JAKMIP3: variants seen among roughly 807,000 people sequenced by gnomAD.
JAKMIP3 encodes the protein janus kinase and microtubule-interacting protein 3.
In JAKMIP3, 58 loss-of-function variants were observed where a neutral mutation model predicts 118.5. The observed-to-expected ratio is 0.49, with a 90% CI of 0.40 to 0.61. The LOEUF (loss-of-function observed/expected upper bound fraction) is 0.61, where lower values mean the gene tolerates loss of function less well. JAKMIP3 is among the 20% of genes least tolerant of loss of function. The pLI, the probability that JAKMIP3 is intolerant of heterozygous loss-of-function variation, is 0.00. For synonymous variants in JAKMIP3, 486 were observed against 451.2 expected (o/e 1.08, Z -0.98); for missense variants, 950 against 1,109.0 (o/e 0.86, Z 2.04).
chr10:132,094,376 A>AT (rs2043553983), intron 1 of JAKMIP3, among the ~76,000 whole-genome samples: 1 of 151,874 alleles, frequency 6.6e-6, no homozygotes, highest in African/African-American at 2.4e-5. Flanking sequence ...GTTCCCTCTC[A>AT]TTTGGGTAGG....
At chr10:132,038,668 T>C (rs551048937) in intron 1 of JAKMIP3, among the ~76,000 whole-genome samples, 2 of 151,770 alleles carry the variant, frequency 1.3e-5, no homozygotes, top group Non-Finnish European at 2.9e-5. Flanking sequence ...ATGGTGTGCC[T>C]GTAATCCCAG....
At chr10:132,055,248 T>G (rs1206835527) in intron 1 of JAKMIP3, among the ~76,000 whole-genome samples, 2 of 152,170 alleles carry the variant, frequency 1.3e-5, no homozygotes, top group African/African-American at 4.8e-5. Flanking sequence ...TAGAACTCTT[T>G]TCAAGACCTT....
intron 14 of JAKMIP3, among the ~76,000 whole-genome samples, chr10:132,148,534 G>A (rs1032866647): frequency 1.4e-5 from 2 of 140,294 alleles, no homozygotes; most frequent in East Asian, 2.2e-4. Flanking sequence ...TCCTCCATCC[G>A]CCCCCGTGGC....
chr10:132,155,824 C>T (rs79552575), intron 19 of JAKMIP3, among the ~76,000 whole-genome samples: 21,089 of 152,198 alleles, frequency 0.14, 1,729 homozygotes, highest in South Asian at 0.27. Flanking sequence ...ACTGTCCTCA[C>T]GGCCTCTGAG....
At chr10:132,092,267 G>GT (rs2043197741) in intron 1 of JAKMIP3, among the ~76,000 whole-genome samples, 1 of 152,122 alleles carries the variant, frequency 6.6e-6, no homozygotes, top group Non-Finnish European at 1.5e-5. Context: ...TTCTTGAGGA[G>GT]TATCTTTGTG....
rs529592099 is a variant in JAKMIP3 at position 132,179,869 on chromosome 10, C to T, written c.*1104-2488C>T. On this transcript the variant is annotated intron_variant, in intron 23 of 23. Coordinates refer to ENST00000684848, the MANE Select transcript of JAKMIP3 (RefSeq NM_001323087.2). The surrounding 1 kb of genome is among the most constrained non-coding windows in gnomAD (Gnocchi z 4.3). Reference sequence around the variant, plus strand: ...GTTCACAGGCACAGCCTGGAGAGGCCTGTGAGCAGACTTCCTGTGCTCTCT... The same window carrying T: ...GTTCACAGGCACAGCCTGGAGAGGCTTGTGAGCAGACTTCCTGTGCTCTCT... Among the ~76,000 whole-genome samples the T allele has an allele frequency of 5.3e-5, 8 of 152,326 alleles. 1 individual carries two copies. The highest frequency in any genetic ancestry group is 2.1e-4 in the South Asian group (1 of 4,826).
intron 17 of JAKMIP3, 38 bp downstream of exon 17, chr10:132,153,061 G>GCTCCTGGGGT (rs1284598254): frequency 5.9e-6 from 9 of 1,523,070 alleles, no homozygotes; most frequent in Non-Finnish European, 8.1e-6. Context: ...AGAGGGCCGG[G>GCTCCTGGGGT]CTCCTGGGGT....
intron 13 of JAKMIP3, among the ~76,000 whole-genome samples, chr10:132,147,709 C>T (rs2054911980): frequency 6.6e-6 from 1 of 152,268 alleles, no homozygotes; most frequent in Non-Finnish European, 1.5e-5. Flanking sequence ...ATATGATCGC[C>T]AGGCTCCTGG....
At chr10:132,087,412 C>A (rs182082250) in intron 1 of JAKMIP3, among the ~76,000 whole-genome samples, 46 of 152,256 alleles carry the variant, frequency 3.0e-4, no homozygotes, top group Non-Finnish European at 2.9e-5. Context: ...AGGTCTCTAG[C>A]AAGGCTGGGG....
At chr10:132,142,484 GC>G (rs139247122) in intron 11 of JAKMIP3, among the ~76,000 whole-genome samples, 32,349 of 148,352 alleles carry the variant, frequency 0.22, 4,266 homozygotes, top group African/African-American at 0.37. Flanking sequence ...GCCTGCCCCG[GC>G]CCCGGCCCCG....
At chr10:132,150,768 CCATGTATCCGTCCTCCACAATT>C (rs1430339934) in intron 16 of JAKMIP3, among the ~76,000 whole-genome samples, 1 of 151,920 alleles carries the variant, frequency 6.6e-6, no homozygotes, top group African/African-American at 2.4e-5. Flanking sequence ...CCTCCATAAT[CCATGTATCCGTCCTCCACAATT>C]CATTTATCCA....
rs770232955 is a variant in JAKMIP3 at position 132,145,200 on chromosome 10, C to A, written c.1686+10C>A. 6.3e-7 allele frequency: 1 copy of A among 1,599,782 alleles called. No individual in the cohort carries two copies. Among genetic ancestry groups the A allele is most frequent in the African/African-American group, 1.3e-5 (1 of 74,814 alleles). On this transcript the variant is annotated intron_variant, in intron 12 of 23. Transcript: ENST00000684848. ...GGCGGAGCAGGGGCAGGTGAGCCTG[C>A]AGCCATCTGCACGGGCGTGGGGGCA...
At chr10:132,119,396 C>T (rs552242999) in intron 3 of JAKMIP3, among the ~76,000 whole-genome samples, 12 of 152,306 alleles carry the variant, frequency 7.9e-5, no homozygotes, top group Admixed American at 2.0e-4. Flanking sequence ...GGAAATCTTT[C>T]GATCCCAGAG....
intron 11 of JAKMIP3, among the ~76,000 whole-genome samples, chr10:132,142,670 G>A (rs2053773657): frequency 6.6e-6 from 1 of 152,318 alleles, no homozygotes; most frequent in Non-Finnish European, 1.5e-5. Flanking sequence ...GAGAGCGTGG[G>A]CCATGGGTCG....
chr10:132,153,141 C>A, intron 17 of JAKMIP3, 118 bp downstream of exon 17: 6 of 755,018 alleles, frequency 7.9e-6, no homozygotes, highest in Non-Finnish European at 1.4e-5. Context: ...TTGGGGGGTC[C>A]ACTAAGCCCC....
chr10:132,037,952 G>T (rs1018000729), intron 1 of JAKMIP3, among the ~76,000 whole-genome samples: 23 of 152,354 alleles, frequency 1.5e-4, no homozygotes, highest in African/African-American at 5.3e-4. Context: ...GGAAGAAGCC[G>T]GGAATGTCAC....
intron 1 of JAKMIP3, among the ~76,000 whole-genome samples, chr10:132,046,165 C>A (rs1011809200): frequency 1.3e-5 from 2 of 151,914 alleles, no homozygotes; most frequent in African/African-American, 2.4e-5. Context: ...TAGATAAAGC[C>A]GTCCAGGGGC....
chr10:132,094,640 G>A (rs111913390), intron 1 of JAKMIP3, among the ~76,000 whole-genome samples: 4,502 of 152,190 alleles, frequency 0.03, 113 homozygotes, highest in South Asian at 0.14. Flanking sequence ...CACCTGTTCC[G>A]GTGGAGGTGG....
At chr10:132,172,276 C>T (rs1317597836) in intron 23 of JAKMIP3, among the ~76,000 whole-genome samples, 2 of 152,250 alleles carry the variant, frequency 1.3e-5, no homozygotes, top group South Asian at 2.1e-4. Context: ...CTAAGTACCA[C>T]ACCAGGGTGC....
Sources: allele counts gnomAD v4.1 joint callset (sites outside exome capture counted in the v4.1 genomes callset), GRCh38; gene constraint gnomAD v4.1.1; non-coding constraint Gnocchi (gnomAD v3.1); transcripts MANE v1.5; gene names NCBI Gene and HGNC (gene_info 2026-07-23, HGNC 2026-07-21).